Variants in CCDC146 observed in about 807,000 individuals in gnomAD.
The protein encoded by CCDC146 is coiled-coil domain containing 146, also known as coiled-coil domain-containing protein 146.
A neutral mutation model predicts 119.3 loss-of-function variants in CCDC146; 92 were observed. That is an observed-to-expected ratio of 0.77 (90% CI 0.65 to 0.92). The LOEUF (loss-of-function observed/expected upper bound fraction) is 0.92, where lower values mean the gene tolerates loss of function less well. Ranked by LOEUF, CCDC146 falls within the 40% of genes least tolerant of loss-of-function variation. The probability of loss-of-function intolerance (pLI) is 0.00; values close to 1 mark genes in which losing one functional copy is unlikely to be tolerated. For synonymous variants in CCDC146, 372 were observed against 371.8 expected (o/e 1.00, Z -0.01); for missense variants, 1,000 against 1,103.0 (o/e 0.91, Z 1.32).
chr7:77,186,053 T>G (rs778867691), intron 2 of CCDC146, among the ~76,000 whole-genome samples: 1 of 152,120 alleles, frequency 6.6e-6, no homozygotes, highest in Non-Finnish European at 1.5e-5. Context: ...GGAATGTAAA[T>G]TAGCACAACC....
chr7:77,260,074 A>C lies in CCDC146; in HGVS notation c.824A>C (p.Lys275Thr). 6.2e-7 allele frequency: 1 copy of C among 1,613,904 alleles called. No individual in the cohort carries two copies. Among genetic ancestry groups the C allele is most frequent in the South Asian group, 1.1e-5 (1 of 91,064 alleles). ...EVKTLNDSLK[K>T]VENKVSAIVD... ...AAAACGCTAAATGACTCCCTAAAGAAAGTTGAAAACAAGGTTAGTGCTATA... is the reference window on the plus strand; with the variant it reads ...AAAACGCTAAATGACTCCCTAAAGACAGTTGAAAACAAGGTTAGTGCTATA... Residue 275 changes from lysine to threonine, a missense_variant, in exon 8 of 19, where the codon AAA becomes ACA. Transcript: ENST00000285871.
chr7:77,281,587 C>CA (rs1252819616), intron 14 of CCDC146, among the ~76,000 whole-genome samples: 1 of 152,086 alleles, frequency 6.6e-6, no homozygotes, highest in East Asian at 1.9e-4. Context: ...CTTGAGAGTA[C>CA]AAAAAAGTGG....
intron 2 of CCDC146, chr7:77,194,731 A>T (rs745307011): frequency 6.6e-6 from 1 of 152,134 alleles, no homozygotes; most frequent in Admixed American, 6.5e-5. Context: ...TATTTCTAGG[A>T]CTGGCATACA....
intron 1 of CCDC146, among the ~76,000 whole-genome samples, chr7:77,152,079 G>A (rs896259580): frequency 5.3e-5 from 8 of 152,048 alleles, no homozygotes; most frequent in Admixed American, 2.6e-4. Context: ...GGGAAAGGAG[G>A]CACATTACCC....
rs1426244012 is a variant in CCDC146, at chr7:77,196,391, T to C, written c.156+28567T>C. The stretch of plus-strand genomic sequence containing the variant: ...AGGCCAGGTACCCCAGAAAATCCCA[T>C]TACGGACACCTCTGTATTTTTGGTG... On this transcript the variant is annotated intron_variant, in intron 2 of 18. Coordinates refer to ENST00000285871, the MANE Select transcript of CCDC146 (RefSeq NM_020879.3). This position sits in a 1 kb window ranked among gnomAD's most constrained non-coding sequence, Gnocchi z 4.2. 4 of 1,614,130 alleles carry C rather than the reference T, an allele frequency of 2.5e-6. No individual in the cohort carries two copies. Among genetic ancestry groups the C allele is most frequent in the Middle Eastern group, 1.6e-4 (1 of 6,062 alleles).
rs1463393021 is a variant in CCDC146, at chr7:77,262,248, A to C, written c.1114A>C (p.Lys372Gln). 2 of 1,613,984 alleles carry C rather than the reference A, an allele frequency of 1.2e-6. No individual in the cohort carries two copies. The highest frequency in any genetic ancestry group is 2.7e-5 in the African/African-American group (2 of 74,926). Residue 372 changes from lysine to glutamine, a missense_variant, in exon 9 of 19, where the codon AAA (lysine) becomes CAA (glutamine). By Grantham distance (53) the Lys-to-Gln change is moderately conservative (BLOSUM62 1). Coordinates refer to ENST00000285871, the MANE Select transcript of CCDC146 (RefSeq NM_020879.3). ...TTTAAGAAAGATGGAACTGCTCTTG[A>C]AAGTGTCCTGGGATGCACTTAGGCA... ...RNLRKMELLLKVSWDALRQTQ... is the reference protein window; with the variant it reads ...RNLRKMELLLQVSWDALRQTQ...
intron 1 of CCDC146, among the ~76,000 whole-genome samples, chr7:77,165,713 G>A (rs1175591461): frequency 6.6e-6 from 1 of 152,226 alleles, no homozygotes; most frequent in African/African-American, 2.4e-5. Flanking sequence ...TGGGAGGCTG[G>A]TCCCCAGCAT....
chr7:77,240,006 C>T (rs1488137557), intron 3 of CCDC146, among the ~76,000 whole-genome samples: 1 of 152,130 alleles, frequency 6.6e-6, no homozygotes. Flanking sequence ...TTCATAATTG[C>T]GTATGGGAAT....
At chr7:77,276,161 G>A (rs1458249057) in intron 11 of CCDC146, among the ~76,000 whole-genome samples, 17 of 138,760 alleles carry the variant, frequency 1.2e-4, no homozygotes, top group African/African-American at 3.6e-4. Context: ...AGCCAAAATC[G>A]CACCACTGCA....
chr7:77,196,822 A>T lies in CCDC146; in HGVS notation c.156+28998A>T, dbSNP rs778428328. The T allele has an allele frequency of 6.2e-7, 1 of 1,614,074 alleles. No individual in the cohort carries two copies. The highest frequency in any genetic ancestry group is 1.1e-5 in the South Asian group (1 of 91,060). On this transcript the variant is annotated intron_variant, in intron 2 of 18. Transcript: ENST00000285871. The surrounding 1 kb of genome is among the most constrained non-coding windows in gnomAD (Gnocchi z 4.2). ...ATGTTCTGGTGAAGTTGGTGCTCCC[A>T]TCGAGACGTGCCTGCAGCACTGTCC...
chr7:77,227,689 G>T (rs1792541065), intron 2 of CCDC146, among the ~76,000 whole-genome samples: 1 of 152,162 alleles, frequency 6.6e-6, no homozygotes, highest in South Asian at 2.1e-4. Flanking sequence ...GCCTATATCT[G>T]CCACTAGGAC....
rs1791867911 is a variant in CCDC146, at chr7:77,196,296, T to C, written c.156+28472T>C. 1 of 1,613,388 alleles carries C rather than the reference T, an allele frequency of 6.2e-7. No homozygotes were observed. The highest frequency in any genetic ancestry group is 1.3e-5 in the African/African-American group (1 of 74,940). On this transcript the variant is annotated intron_variant, in intron 2 of 18. Coordinates refer to ENST00000285871, the MANE Select transcript of CCDC146 (RefSeq NM_020879.3). This position sits in a 1 kb window ranked among gnomAD's most constrained non-coding sequence, Gnocchi z 4.2. ...AGAGTGATTTATGGCTTAAAGTGCT[T>C]GGGTCTGATCATCATCTTAGCCTCT...
At chr7:77,128,948 TC>T (rs996665379) in intron 1 of CCDC146, among the ~76,000 whole-genome samples, 1 of 152,062 alleles carries the variant, frequency 6.6e-6, no homozygotes, top group African/African-American at 2.4e-5. Flanking sequence ...GTAGCCGAAA[TC>T]CCATGTAGAA....
At chr7:77,245,575 C>T (rs544171521) in intron 4 of CCDC146, among the ~76,000 whole-genome samples, 1 of 152,340 alleles carries the variant, frequency 6.6e-6, no homozygotes, top group East Asian at 1.9e-4. Flanking sequence ...AGGCCGCACA[C>T]GTGCAGGGCT....
At chr7:77,272,811 G>GTTGACGTA (rs1252706849) in intron 9 of CCDC146, among the ~76,000 whole-genome samples, 1 of 152,070 alleles carries the variant, frequency 6.6e-6, no homozygotes, top group Non-Finnish European at 1.5e-5. Flanking sequence ...CCTAAAGTAC[G>GTTGACGTA]TCAACACAGG....
chr7:77,218,794 A>G (rs1367974527), intron 2 of CCDC146, among the ~76,000 whole-genome samples: 1 of 151,592 alleles, frequency 6.6e-6, no homozygotes. Context: ...CTGGTCCCTA[A>G]CTCCTGGGCT....
At chr7:77,175,222 G>C (rs534213649) in intron 2 of CCDC146, among the ~76,000 whole-genome samples, 1 of 150,742 alleles carries the variant, frequency 6.6e-6, no homozygotes, top group African/African-American at 2.5e-5. Context: ...AAATTATTTC[G>C]CCTAAGCGAA....
intron 17 of CCDC146, among the ~76,000 whole-genome samples, chr7:77,288,526 C>T (rs1793888679): frequency 6.6e-6 from 1 of 152,238 alleles, no homozygotes; most frequent in Non-Finnish European, 1.5e-5. Flanking sequence ...TCTACCCCTA[C>T]ACAAGACCAT....
At chr7:77,155,913 T>C (rs112797263) in intron 1 of CCDC146, among the ~76,000 whole-genome samples, 1 of 152,018 alleles carries the variant, frequency 6.6e-6, no homozygotes, top group Non-Finnish European at 1.5e-5. Flanking sequence ...GTTTTGATTA[T>C]GTAGGTTTCC....
Sources: gnomAD v4.1 joint callset for allele counts (sites outside exome capture counted in the v4.1 genomes callset) on GRCh38, gnomAD v4.1.1 for gene constraint, Gnocchi (gnomAD v3.1) non-coding constraint, MANE v1.5 for transcripts, NCBI Gene and HGNC (gene_info 2026-07-23, HGNC 2026-07-21) for gene names.